The following CROCC2 variants were observed in gnomAD, a reference collection of about 807,000 sequenced individuals.
CROCC2 encodes ciliary rootlet coiled-coil, rootletin family member 2.
Under a neutral mutation model 177.6 loss-of-function variants are expected in CROCC2, and 163 were observed. The ratio of observed to expected loss-of-function variants is 0.92; its 90% CI spans 0.81 to 1.05. The LOEUF is 1.05. Ranked by LOEUF, CROCC2 falls within the 50% of genes least tolerant of loss-of-function variation. The probability of loss-of-function intolerance (pLI) is 0.00; values close to 1 mark genes in which losing one functional copy is unlikely to be tolerated. For missense variants in CROCC2, 1,929 were observed against 1,797.8 expected (o/e 1.07, Z -1.32); for synonymous variants, 904 against 787.3 (o/e 1.15, Z -2.48).
At chr2:240,959,488 G>A in intron 20 of CROCC2, 44 bp downstream of exon 20, 1 of 1,541,670 alleles carries the variant, frequency 6.5e-7, no homozygotes, top group Non-Finnish European at 8.8e-7. Flanking sequence ...CCAGAGGACA[G>A]GAGAAAGCAG....
At chr2:240,992,798 G>A (rs1354941701) in intron 31 of CROCC2, among the ~76,000 whole-genome samples, 2 of 152,242 alleles carry the variant, frequency 1.3e-5, no homozygotes, top group Non-Finnish European at 2.9e-5. Context: ...GAGAGGCAGC[G>A]TGTGGTGCTC....
chr2:240,906,944 G>A (rs2059258477), intron 1 of CROCC2, among the ~76,000 whole-genome samples: 1 of 79,556 alleles, frequency 1.3e-5, no homozygotes, highest in Non-Finnish European at 3.2e-5. Flanking sequence ...GGTGGCCGGC[G>A]TCCCTGGCAG....
chr2:240,986,066 G>T, intron 28 of CROCC2: 1 of 419,370 alleles, frequency 2.4e-6, no homozygotes, highest in Non-Finnish European at 4.9e-6. Flanking sequence ...CTTCAGGGCT[G>T]GACACTGCCC....
rs58286464 is a variant in CROCC2 at position 240,927,473 on chromosome 2, A to C, written c.645+1593A>C. On this transcript the variant is annotated intron_variant, in intron 5 of 31. Coordinates refer to ENST00000690015, the MANE Select transcript of CROCC2 (RefSeq NM_001351305.2). The stretch of plus-strand genomic sequence containing the variant: ...ACGGATTTGTTCTTTTTATTACCCT[A>C]GACTATATTCTAGATAATTTCTTCA... Among the ~76,000 whole-genome samples, 1,996 of 152,224 alleles carry C rather than the reference A, an allele frequency of 0.013. 86 individuals carry two copies. The East Asian group carries it at 0.15, about 11-fold the overall frequency.
chr2:240,969,067 C>A (rs772655257), intron 27 of CROCC2, among the ~76,000 whole-genome samples: 57 of 152,228 alleles, frequency 3.7e-4, no homozygotes, highest in Non-Finnish European at 6.8e-4. Context: ...GGGCAACTGC[C>A]CCCAGGCGTC....
chr2:240,946,012 C>A (rs1056686722), intron 14 of CROCC2, 48 bp from the exon 15 acceptor site: 4 of 1,403,462 alleles, frequency 2.9e-6, no homozygotes, highest in Non-Finnish European at 3.8e-6. Flanking sequence ...GCTCACCCAC[C>A]CACTTACTCT....
At chr2:240,989,214 C>T (rs1418293938) in intron 29 of CROCC2, among the ~76,000 whole-genome samples, 1 of 152,048 alleles carries the variant, frequency 6.6e-6, no homozygotes, top group African/African-American at 2.4e-5. Flanking sequence ...TGTGTTAGGG[C>T]GAGGAAATCC....
intron 27 of CROCC2, among the ~76,000 whole-genome samples, chr2:240,974,614 C>A (rs2059746992): frequency 6.7e-6 from 1 of 150,340 alleles, no homozygotes; most frequent in Non-Finnish European, 1.5e-5. Flanking sequence ...AAGTGATCCA[C>A]CCACCTCAGC....
intron 27 of CROCC2, among the ~76,000 whole-genome samples, chr2:240,971,745 C>T (rs2059722388): frequency 6.6e-6 from 1 of 152,136 alleles, no homozygotes. Context: ...CTTCTCTGTT[C>T]TTTTGTCCTG....
rs1285668261 is a variant in CROCC2 at position 240,989,810 on chromosome 2, C to T, written c.4840C>T (p.Gln1614Ter). ...LESQEWTHQQ[Q>*]VKVLEEQVAS... The stretch of plus-strand genomic sequence containing the variant: ...GTCCCAAGAATGGACCCACCAGCAG[C>T]AGGTAAAGGTGCTGGAAGAGCAGGT... The change falls in exon 30 of 32, where the codon CAG becomes TAG. Residue 1614 changes from glutamine to a stop codon, truncating the protein, a stop_gained. Transcript: ENST00000690015. LOFTEE classifies it high-confidence loss of function. 11 of 1,545,992 alleles carry T rather than the reference C, an allele frequency of 7.1e-6. No homozygotes were observed. The East Asian group carries it at 1.7e-4, about 24-fold the overall frequency.
intron 27 of CROCC2, among the ~76,000 whole-genome samples, chr2:240,970,510 C>G (rs3934763): frequency 0.21 from 32,558 of 152,238 alleles, 3,938 homozygotes; most frequent in African/African-American, 0.31. Flanking sequence ...TTTATTCATC[C>G]TCTTTTCCCT....
Position 240,935,422 on chromosome 2 carries a change from C to A in CROCC2, c.2003C>A (p.Ala668Asp), listed in dbSNP as rs1403296093. The A allele has an allele frequency of 7.3e-7, 1 of 1,376,324 alleles. No homozygotes were observed. The highest frequency in any genetic ancestry group is 3.2e-5 in the Admixed American group (1 of 31,666). The allele number at this position is 1,376,324 out of a possible 1,614,324, so 85.3% of individuals were successfully genotyped here. A position where few individuals can be genotyped will look rare whatever the true frequency, so the allele number is the denominator to read the frequency against. ...RKTLEQERAR[A>D]GEQLAQAEQQ... is the part of the protein sequence containing the mutation. ...ACTCTGGAGCAGGAACGGGCCCGGGCCGGGGAGCAGCTGGCACAGGCGGAG... is the reference window on the plus strand; with the variant it reads ...ACTCTGGAGCAGGAACGGGCCCGGGACGGGGAGCAGCTGGCACAGGCGGAG... The change falls in exon 14 of 32, where the codon GCC (alanine) becomes GAC (aspartate). Residue 668 changes from alanine to aspartate, a missense_variant. By Grantham distance (126) the Ala-to-Asp change is moderately radical. This residue lies in a region of CROCC2 where 1,397 missense variants were observed against 1,239.9 expected (regional missense o/e 1.13). Coordinates refer to ENST00000690015, the MANE Select transcript of CROCC2 (RefSeq NM_001351305.2).
In CROCC2 at chr2:240,982,636, C is replaced by T. The variant is rs372833874; in HGVS notation, c.4402-244C>T. On this transcript the variant is annotated intron_variant, in intron 27 of 31. Transcript: ENST00000690015. The surrounding 1 kb of genome is among the most constrained non-coding windows in gnomAD (Gnocchi z 4.7). Reference sequence around the variant, plus strand: ...TGCCAAGCCCAAGTCTTTGCCCACGCTAGACCAGACCCCCAGGACTTTCGT... The same window carrying T: ...TGCCAAGCCCAAGTCTTTGCCCACGTTAGACCAGACCCCCAGGACTTTCGT... The T allele has an allele frequency of 1.1e-5, 5 of 446,482 alleles. No individual in the cohort carries two copies. The highest frequency in any genetic ancestry group is 4.1e-5 in the East Asian group (1 of 24,478). 27.7% of individuals were successfully genotyped at this position (446,482 alleles called of 1,614,324 possible).
chr2:240,939,647 G>T (rs2059486342), intron 14 of CROCC2, among the ~76,000 whole-genome samples: 1 of 152,090 alleles, frequency 6.6e-6, no homozygotes, highest in South Asian at 2.1e-4. Flanking sequence ...ATTTGATAAT[G>T]AATTCAATTT....
chr2:240,988,998 G>C (rs1574802234), intron 29 of CROCC2, 128 bp downstream of exon 29: 1 of 1,047,906 alleles, frequency 9.5e-7, no homozygotes, highest in Non-Finnish European at 1.3e-6. Flanking sequence ...ACATGGGGAG[G>C]GTGGCTGGAC....
chr2:240,959,436 G>T lies in CROCC2; in HGVS notation c.3079G>T (p.Glu1027Ter). 1.3e-6 allele frequency: 2 copies of T among 1,549,288 alleles called. No individual in the cohort carries two copies. Among genetic ancestry groups the T allele is most frequent in the Non-Finnish European group, 1.7e-6 (2 of 1,145,906 alleles). Reference protein sequence around the residue: ...QDLAAERGDVEREAERLRAQL... With the variant: ...QDLAAERGDV ...CCTAGCGGCTGAGCGGGGCGATGTG[G>T]AGAGAGAGGTGAGAGGCAGGGCTGG... Residue 1027 changes from glutamate to a stop codon, truncating the protein, a stop_gained, in exon 20 of 32, where the codon GAG becomes TAG. Transcript: ENST00000690015. LOFTEE classifies it high-confidence loss of function.
At chr2:240,909,263 C>T (rs1005050430) in intron 1 of CROCC2, among the ~76,000 whole-genome samples, 4 of 141,308 alleles carry the variant, frequency 2.8e-5, no homozygotes, top group Non-Finnish European at 6.1e-5. Context: ...CTACCTCCTC[C>T]ACCTCGGGTG....
chr2:240,956,038 C>G, intron 19 of CROCC2, 66 bp downstream of exon 19: 18 of 1,193,504 alleles, frequency 1.5e-5, no homozygotes, highest in Non-Finnish European at 2.1e-5. Context: ...AGGGGGCCAC[C>G]CCTCCTGCCT....
At position 240,993,176 on chromosome 2, in the gene CROCC2, G is replaced by A; in HGVS notation, c.*95G>A. On this transcript the variant is annotated 3_prime_UTR_variant, in exon 32 of 32. Transcript: ENST00000690015. ...CCAGCTGATTTCTCAGCGTCACAGT[G>A]AAAGGCACCCGTGATGAGACAGCTC... The A allele has an allele frequency of 1.4e-6, 1 of 692,572 alleles. No individual in the cohort carries two copies. The highest frequency in any genetic ancestry group is 1.8e-5 in the African/African-American group (1 of 56,694). The allele number at this position is 692,572 out of a possible 1,614,324, so 42.9% of individuals were successfully genotyped here.
Sources: gnomAD v4.1 joint callset for allele counts (sites outside exome capture counted in the v4.1 genomes callset) on GRCh38, gnomAD v4.1.1 for gene constraint, gnomAD v4.1.1 regional missense constraint, Gnocchi (gnomAD v3.1) non-coding constraint, MANE v1.5 for transcripts, NCBI Gene and HGNC (gene_info 2026-07-23, HGNC 2026-07-21) for gene names.